The following PARP15 variants were observed in gnomAD, a reference collection of about 807,000 sequenced individuals.
PARP15 encodes protein mono-ADP-ribosyltransferase PARP15.
In PARP15, 50 loss-of-function variants were observed where a neutral mutation model predicts 62.1. The ratio of observed to expected loss-of-function variants is 0.81; its 90% CI spans 0.64 to 1.02. PARP15 has a LOEUF of 1.02. PARP15 is among the 50% of genes least tolerant of loss of function. The probability of loss-of-function intolerance (pLI) is 0.00; values close to 1 mark genes in which losing one functional copy is unlikely to be tolerated. For synonymous variants in PARP15, 309 were observed against 293.1 expected, an observed-to-expected ratio of 1.05 and a Z score of -0.55; for missense variants, 820 against 826.5, an observed-to-expected ratio of 0.99 and a Z score of 0.10.
In PARP15 at chr3:122,636,427, A is replaced by AC; in HGVS notation, c.*328dup. On this transcript the variant is annotated 3_prime_UTR_variant, in exon 12 of 12. Coordinates refer to ENST00000464300, the MANE Select transcript of PARP15 (RefSeq NM_001113523.3). ...GATGCATCACCTTAAAACCAAGATGACATTGTTCTTCTTGGAACATGTTAA... is the reference window on the plus strand; with the variant it reads ...GATGCATCACCTTAAAACCAAGATGACCATTGTTCTTCTTGGAACATGTTAA... The AC allele has an allele frequency of 3.7e-6, 1 of 270,804 alleles. No homozygotes were observed. The highest frequency in any genetic ancestry group is 5.5e-5 in the South Asian group (1 of 18,200). The allele number at this position is 270,804 out of a possible 1,614,324, so 16.8% of individuals were successfully genotyped here.
rs776890959 is a variant in PARP15, at chr3:122,619,857, T to C, written c.1063+14T>C. On this transcript the variant is annotated intron_variant, in intron 7 of 11. Transcript: ENST00000464300. ...GTGCTGTACTAGGTATGGGCACATG[T>C]TACTTTTGACTACAAACTTGAAAAT... The C allele has an allele frequency of 4.0e-5, 64 of 1,607,486 alleles. No individual in the cohort carries two copies. In the East Asian group the frequency reaches 1.4e-3, roughly 35 times the overall value.
At chr3:122,586,797 A>G (rs1559924937) in intron 1 of PARP15, among the ~76,000 whole-genome samples, 1 of 151,630 alleles carries the variant, frequency 6.6e-6, no homozygotes, top group Non-Finnish European at 1.5e-5. Context: ...ACCTACATTG[A>G]CACATCATTA....
rs1936016432 is a variant in PARP15 at position 122,616,996 on chromosome 3, C to G, written c.851-19C>G. On this transcript the variant is annotated intron_variant, in intron 5 of 11. Coordinates refer to ENST00000464300, the MANE Select transcript of PARP15 (RefSeq NM_001113523.3). ...GAAGCTGAGCCAGCCCATTCTTTAC[C>G]TATTTTCTTTCTTTTCAGGTGTGGT... The G allele has an allele frequency of 1.2e-6, 2 of 1,611,288 alleles. No individual in the cohort carries two copies. Among genetic ancestry groups the G allele is most frequent in the East Asian group, 2.2e-5 (1 of 44,824 alleles).
At chr3:122,603,503 T>G (rs1934955583) in intron 1 of PARP15, among the ~76,000 whole-genome samples, 1 of 152,110 alleles carries the variant, frequency 6.6e-6, no homozygotes, top group South Asian at 2.1e-4. Context: ...ATGATAGGAT[T>G]TTGATTGAAT....
At chr3:122,621,691 T>A in intron 8 of PARP15, 80 bp downstream of exon 8, 1 of 1,263,380 alleles carries the variant, frequency 7.9e-7, no homozygotes. Flanking sequence ...AGCAGATCAG[T>A]GCTGAATCCA....
intron 10 of PARP15, among the ~76,000 whole-genome samples, chr3:122,633,210 C>T (rs1236738366): frequency 2.6e-5 from 4 of 152,190 alleles, no homozygotes; most frequent in African/African-American, 9.7e-5. Context: ...AGGTAGGAGT[C>T]GCATCTTGTT....
chr3:122,612,939 C>A (rs1324031636), intron 3 of PARP15, 102 bp from the exon 4 acceptor site: 6 of 1,022,368 alleles, frequency 5.9e-6, no homozygotes, highest in Non-Finnish European at 8.8e-6. Context: ...ACTAAGCCAA[C>A]AATAGCAGAG....
At chr3:122,605,713 AC>A (rs532467667) in intron 1 of PARP15, among the ~76,000 whole-genome samples, 4 of 152,098 alleles carry the variant, frequency 2.6e-5, no homozygotes, top group Non-Finnish European at 2.9e-5. Context: ...AGTGGGCACT[AC>A]AGGCACATGC....
intron 8 of PARP15, among the ~76,000 whole-genome samples, chr3:122,622,078 C>T (rs1936389871): frequency 1.3e-5 from 2 of 152,246 alleles, no homozygotes; most frequent in African/African-American, 4.8e-5. Context: ...GGATTACAGG[C>T]ATGGGCCACT....
At chr3:122,580,759 A>T (rs970842041) in intron 1 of PARP15, among the ~76,000 whole-genome samples, 2 of 152,142 alleles carry the variant, frequency 1.3e-5, no homozygotes, top group African/African-American at 4.8e-5. Context: ...TCACCAACTG[A>T]TGGATTTGGG....
At chr3:122,601,004 A>G (rs1312561935) in intron 1 of PARP15, among the ~76,000 whole-genome samples, 1 of 119,270 alleles carries the variant, frequency 8.4e-6, no homozygotes, top group East Asian at 2.4e-4. Context: ...TTTGTGTTGT[A>G]TAGTTCCATT....
rs772149388 is a variant in PARP15 at position 122,635,196 on chromosome 3, TAAGG to T, written c.1747+6_1747+9del. ...ATAGAAGTTGTGCTGGGAAAAATGG[TAAGG>T]AAGCAAGTAATTTGGCTGATCAGAA... is the stretch of plus-strand genomic sequence containing the variant. On this transcript the variant is annotated splice_donor_5th_base_variant and intron_variant, in intron 11 of 11. Transcript: ENST00000464300. 6.2e-7 allele frequency: 1 copy of T among 1,612,092 alleles called. No homozygotes were observed. The highest frequency in any genetic ancestry group is 1.3e-5 in the African/African-American group (1 of 74,742).
At chr3:122,633,765 G>T (rs1256357235) in intron 10 of PARP15, among the ~76,000 whole-genome samples, 2 of 152,170 alleles carry the variant, frequency 1.3e-5, no homozygotes, top group African/African-American at 4.8e-5. Flanking sequence ...ATCCTCCATG[G>T]ATATTGAGGG....
intron 2 of PARP15, 72 bp downstream of exon 2, chr3:122,606,127 A>G: frequency 3.4e-6 from 5 of 1,450,632 alleles, no homozygotes; most frequent in South Asian, 1.3e-5. Context: ...GAGTTGTTCC[A>G]TGATTTAATT....
chr3:122,607,506 C>T (rs1490913834), intron 2 of PARP15, among the ~76,000 whole-genome samples: 3 of 152,168 alleles, frequency 2.0e-5, no homozygotes, highest in African/African-American at 7.2e-5. Context: ...CACTTATCCC[C>T]TGCCTTGCAC....
Position 122,621,451 on chromosome 3 carries a change from G to A in PARP15, c.1071G>A (p.Gln357=). Reference sequence around the variant, plus strand: ...TTCTTTCCTTTTTTTCAGCTGCACAGCCTCACAGAGATTTTATAATTACAC... The same window carrying A: ...TTCTTTCCTTTTTTTCAGCTGCACAACCTCACAGAGATTTTATAATTACAC... ...VESECAVLAA[Q]PHRDFIITPG... Residue 357 remains glutamine (Q), a synonymous_variant, in exon 8 of 12, where the codon CAG becomes CAA. Coordinates refer to ENST00000464300, the MANE Select transcript of PARP15 (RefSeq NM_001113523.3). 1 of 1,609,564 alleles carries A rather than the reference G, an allele frequency of 6.2e-7. No individual in the cohort carries two copies.
chr3:122,618,071 A>G (rs932653694), intron 6 of PARP15, among the ~76,000 whole-genome samples: 2 of 152,194 alleles, frequency 1.3e-5, no homozygotes, highest in Non-Finnish European at 2.9e-5. Context: ...TGACTTTTAA[A>G]TTAAAAGGGT....
chr3:122,578,990 A>G (rs2080743010), intron 1 of PARP15, among the ~76,000 whole-genome samples: 1 of 152,204 alleles, frequency 6.6e-6, no homozygotes, highest in African/African-American at 2.4e-5. Flanking sequence ...TTTAAGCTGG[A>G]AAGTCACTAG....
intron 6 of PARP15, among the ~76,000 whole-genome samples, chr3:122,618,148 G>C (rs536293137): frequency 3.6e-4 from 55 of 152,224 alleles, no homozygotes; most frequent in Non-Finnish European, 6.2e-4. Context: ...TTACCATGCA[G>C]AAGTGAATCT....
Sources: gnomAD v4.1 joint callset for allele counts (sites outside exome capture counted in the v4.1 genomes callset) on GRCh38, gnomAD v4.1.1 for gene constraint, MANE v1.5 for transcripts, NCBI Gene and HGNC (gene_info 2026-07-23, HGNC 2026-07-21) for gene names.